WNT5B: variants seen among roughly 807,000 people sequenced by gnomAD.
The protein encoded by WNT5B is Wnt family member 5B.
Under a neutral mutation model 36.5 loss-of-function variants are expected in WNT5B, and 18 were observed. The ratio of observed to expected loss-of-function variants is 0.49; its 90% CI spans 0.34 to 0.73. The LOEUF is 0.73. Among genes scored for constraint, WNT5B ranks in the 30% least tolerant of loss-of-function variants. The pLI, the probability that WNT5B is intolerant of heterozygous loss-of-function variation, is 0.01. For synonymous variants in WNT5B, 213 were observed against 212.3 expected (o/e 1.00, Z -0.03); for missense variants, 424 against 508.4 (o/e 0.83, Z 1.60).
chr12:1,643,063 T>C (rs1467548927), intron 4 of WNT5B, among the ~76,000 whole-genome samples: 2 of 152,038 alleles, frequency 1.3e-5, no homozygotes, highest in African/African-American at 4.8e-5. Context: ...TTTAGAACCA[T>C]ATTAAAAAGA....
chr12:1,639,160 C>G (rs1164656114), intron 3 of WNT5B, among the ~76,000 whole-genome samples: 1 of 151,230 alleles, frequency 6.6e-6, no homozygotes, highest in Non-Finnish European at 1.5e-5. Flanking sequence ...TTTTTTGAGA[C>G]AGAGTCTCAC....
chr12:1,645,472 T>G (rs61914791), intron 4 of WNT5B, among the ~76,000 whole-genome samples: 2,103 of 152,310 alleles, frequency 0.014, 28 homozygotes, highest in Non-Finnish European at 0.02. Flanking sequence ...GTTTTCCGAT[T>G]GTGAAAAGGA....
intron 3 of WNT5B, among the ~76,000 whole-genome samples, chr12:1,638,271 A>C (rs573964864): frequency 2.6e-5 from 4 of 152,330 alleles, no homozygotes; most frequent in Admixed American, 6.5e-5. Flanking sequence ...AACAAACAAA[A>C]AAACACAACA....
In WNT5B at chr12:1,631,230, A is replaced by T; in HGVS notation, c.-57-68A>T. On this transcript the variant is annotated intron_variant, in intron 1 of 4. Coordinates refer to ENST00000397196, the MANE Select transcript of WNT5B (RefSeq NM_032642.3). ...GCATCAGTGCAACTTTCTCCGCCTC[A>T]CCCCGGCTCCTGGTCTGCCCTTATC... is the stretch of plus-strand genomic sequence containing the variant. 4 of 1,436,224 alleles carry T rather than the reference A, an allele frequency of 2.8e-6. No individual in the cohort carries two copies. In the South Asian group the frequency reaches 5.4e-5, roughly 19 times the overall value. The allele number at this position is 1,436,224 out of a possible 1,614,324, so 89.0% of individuals were successfully genotyped here. A position where few individuals can be genotyped will look rare whatever the true frequency, so the allele number is the denominator to read the frequency against.
chr12:1,630,784 G>GA lies in WNT5B; in HGVS notation c.-57-513dup, dbSNP rs2094549168. On this transcript the variant is annotated intron_variant, in intron 1 of 4. Transcript: ENST00000397196. The surrounding 1 kb of genome is among the most constrained non-coding windows in gnomAD (Gnocchi z 5.3). ...GTGAGAAGGGCGCAGATGGAGAGGGGAGACTCCTCCCTGGGTGCAGGTAAA... is the reference window on the plus strand; with the variant it reads ...GTGAGAAGGGCGCAGATGGAGAGGGGAAGACTCCTCCCTGGGTGCAGGTAAA... 1 of 152,886 alleles carries GA rather than the reference G, an allele frequency of 6.5e-6. No individual in the cohort carries two copies. The highest frequency in any genetic ancestry group is 2.1e-4 in the South Asian group (1 of 4,868). 9.5% of individuals were successfully genotyped at this position (152,886 alleles called of 1,614,324 possible). A position where few individuals can be genotyped will look rare whatever the true frequency, so the allele number is the denominator to read the frequency against.
chr12:1,623,725 C>T lies in WNT5B; in HGVS notation c.-58+6582C>T, dbSNP rs1220894732. On this transcript the variant is annotated intron_variant, in intron 1 of 4. Transcript: ENST00000310594. ...TCTTCACGTGCACTCTGTACCTCAC[C>T]TCTGCATCTTCCATGAGCCCCTCAC... Among the ~76,000 whole-genome samples the T allele has an allele frequency of 2.0e-5, 3 of 152,282 alleles. No individual in the cohort carries two copies. The East Asian group carries it at 5.8e-4, about 29-fold the overall frequency.
In WNT5B at chr12:1,618,010, C is replaced by T. The variant is rs930850910; in HGVS notation, c.-58+867C>T. On this transcript the variant is annotated intron_variant, in intron 1 of 4. Transcript: ENST00000310594. This position sits in a 1 kb window ranked among gnomAD's most constrained non-coding sequence, Gnocchi z 4.1. ...TTAAAAACTTAACCAGACACAGTGG[C>T]TTACACCTGTAGTCCCAGCTACTCA... Among the ~76,000 whole-genome samples the T allele has an allele frequency of 6.6e-6, 1 of 152,142 alleles. No homozygotes were observed. The highest frequency in any genetic ancestry group is 1.5e-5 in the Non-Finnish European group (1 of 68,028).
At chr12:1,631,574 T>C (rs2094550932) in intron 2 of WNT5B, 140 bp downstream of exon 2, 14 of 1,337,810 alleles carry the variant, frequency 1.0e-5, no homozygotes, top group Non-Finnish European at 1.4e-5. Context: ...CCAGGAAAAC[T>C]AAGAACGCTC....
At position 1,639,752 on chromosome 12, in the gene WNT5B, T is replaced by A; in HGVS notation, c.397T>A (p.Cys133Ser). 1 of 1,605,162 alleles carries A rather than the reference T, an allele frequency of 6.2e-7. No individual in the cohort carries two copies. The highest frequency in any genetic ancestry group is 8.5e-7 in the Non-Finnish European group (1 of 1,175,896). ...AGVVNAISRA[C>S]REGELSTCGC... Reference sequence around the variant, plus strand: ...CGTGGTCAACGCCATCAGCCGGGCCTGCCGCGAGGGCGAGCTCTCCACCTG... The same window carrying A: ...CGTGGTCAACGCCATCAGCCGGGCCAGCCGCGAGGGCGAGCTCTCCACCTG... The change falls in exon 4 of 5, where the codon TGC (cysteine) becomes AGC (serine). Residue 133 changes from cysteine to serine, a missense_variant. Physicochemically the swap from Cys to Ser is moderately radical, Grantham distance 112. Transcript: ENST00000397196.
At position 1,622,212 on chromosome 12, in the gene WNT5B, G is replaced by A. The variant is rs917972740; in HGVS notation, c.-58+5069G>A. ...TGCAAGCTCCGCTTCCCGGGTTCAC[G>A]CCATTCTCCTGCTTCAGCCTCCTGA... On this transcript the variant is annotated intron_variant, in intron 1 of 4. Coordinates refer to the WNT5B transcript ENST00000310594. 1.5e-4 allele frequency among the ~76,000 whole-genome samples: 23 copies of A among 149,214 alleles called. No homozygotes were observed. The East Asian group carries it at 2.2e-3, about 14-fold the overall frequency.
intron 3 of WNT5B, among the ~76,000 whole-genome samples, chr12:1,637,627 GT>G (rs2094564548): frequency 6.7e-6 from 1 of 150,140 alleles, no homozygotes; most frequent in Non-Finnish European, 1.5e-5. Context: ...GCAGGTGCCT[GT>G]AATCCCAGCT....
chr12:1,632,703 C>T lies in WNT5B; in HGVS notation c.126C>T (p.Ile42=), dbSNP rs778535076. 74 of 1,612,412 alleles carry T rather than the reference C, an allele frequency of 4.6e-5. 1 individual carries two copies. Among genetic ancestry groups the T allele is most frequent in the Admixed American group, 6.7e-5 (4 of 59,976 alleles). ...TGCAGAGACCCGAGATGTTTATCAT[C>T]GGTGCCCAGCCCGTGTGCAGTCAGC... is the stretch of plus-strand genomic sequence containing the variant. ...NPVQRPEMFI[I]GAQPVCSQLP... The change falls in exon 3 of 5, where the codon ATC becomes ATT. Residue 42 remains isoleucine, a synonymous_variant. Coordinates refer to ENST00000397196, the MANE Select transcript of WNT5B (RefSeq NM_032642.3). The surrounding 1 kb of genome is among the most constrained non-coding windows in gnomAD (Gnocchi z 5.8).
At chr12:1,640,047 C>A (rs951657029) in intron 4 of WNT5B, 71 bp downstream of exon 4, 11 of 1,511,976 alleles carry the variant, frequency 7.3e-6, no homozygotes, top group Non-Finnish European at 9.7e-6. Context: ...TGCCACCAGC[C>A]GTGGCCTGGC....
upstream of WNT5B, among the ~76,000 whole-genome samples, chr12:1,625,263 A>G (rs1565604012): frequency 1.3e-5 from 2 of 152,216 alleles, no homozygotes; most frequent in Admixed American, 6.5e-5. Context: ...TATTGTGTCT[A>G]TGTGCACTTG....
chr12:1,643,353 G>A (rs377309515), intron 4 of WNT5B, among the ~76,000 whole-genome samples: 8 of 152,126 alleles, frequency 5.3e-5, no homozygotes, highest in Non-Finnish European at 7.3e-5. Flanking sequence ...GGGACAGATC[G>A]TAGAACTAAA....
intron 4 of WNT5B, among the ~76,000 whole-genome samples, chr12:1,643,491 T>A (rs977893423): frequency 6.6e-6 from 1 of 152,156 alleles, no homozygotes; most frequent in South Asian, 2.1e-4. Context: ...TCAGCCTCCC[T>A]AGTAGCTGGG....
At chr12:1,638,057 G>A (rs1422370022) in intron 3 of WNT5B, among the ~76,000 whole-genome samples, 1 of 152,184 alleles carries the variant, frequency 6.6e-6, no homozygotes, top group African/African-American at 2.4e-5. Flanking sequence ...GACCATCCTG[G>A]CTAACACGGT....
chr12:1,642,765 G>A (rs904112533), intron 4 of WNT5B, among the ~76,000 whole-genome samples: 10 of 152,100 alleles, frequency 6.6e-5, no homozygotes, highest in Admixed American at 6.6e-4. Flanking sequence ...CTCCCATCAG[G>A]CTTGTTCCTG....
At chr12:1,625,381 A>G (rs759009770), upstream of WNT5B, among the ~76,000 whole-genome samples, 8 of 152,094 alleles carry the variant, frequency 5.3e-5, no homozygotes, top group Non-Finnish European at 1.2e-4. Flanking sequence ...TTTAGGAGGT[A>G]TTTGTCTATT....
Sources: allele counts gnomAD v4.1 joint callset (sites outside exome capture counted in the v4.1 genomes callset), GRCh38; gene constraint gnomAD v4.1.1; non-coding constraint Gnocchi (gnomAD v3.1); transcripts MANE v1.5; gene names NCBI Gene and HGNC (gene_info 2026-07-23, HGNC 2026-07-21).